OPCML: variants seen among roughly 807,000 people sequenced by gnomAD.
OPCML encodes the protein opioid-binding protein/cell adhesion molecule.
OPCML carries 13 observed loss-of-function variants against 37.8 expected under a neutral mutation model. That is an observed-to-expected ratio of 0.34 (90% CI 0.22 to 0.55). The LOEUF is 0.55. Ranked by LOEUF, OPCML falls within the 20% of genes least tolerant of loss-of-function variation. The pLI is 0.91. For synonymous variants in OPCML, 176 were observed against 168.8 expected, an observed-to-expected ratio of 1.04 and a Z score of -0.33; for missense variants, 341 against 435.6, an observed-to-expected ratio of 0.78 and a Z score of 1.93.
intron 1 of OPCML, chr11:133,007,798 A>G (rs954936574): frequency 2.0e-6 from 2 of 985,358 alleles, no homozygotes; most frequent in African/African-American, 1.7e-5. Context: ...CATGTATCAT[A>G]TCTCCTTGTG....
intron 1 of OPCML, among the ~76,000 whole-genome samples, chr11:133,379,988 T>C (rs1415915890): frequency 2.0e-5 from 3 of 152,190 alleles, no homozygotes; most frequent in Non-Finnish European, 4.4e-5. Flanking sequence ...TTAAGGACAA[T>C]TTTGTCTATG....
In OPCML at chr11:133,503,144, AAAGT is replaced by A. The variant is rs150666631; in HGVS notation, c.61+29116_61+29119del. 7.5e-3 allele frequency among the ~76,000 whole-genome samples: 1,136 copies of A among 152,280 alleles called. 6 individuals are homozygous for A. Among genetic ancestry groups the A allele is most frequent in the African/African-American group, 0.025 (1,055 of 41,554 alleles). On this transcript the variant is annotated intron_variant, in intron 1 of 7. Transcript: ENST00000524381. Reference sequence around the variant, plus strand: ...TTTCTCACGTCCTTTTTGCATAAAGAAAGTGAGTTTCAGAAAAATGTGCTGGCCT... The same window carrying A: ...TTTCTCACGTCCTTTTTGCATAAAGAGAGTTTCAGAAAAATGTGCTGGCCT...
At chr11:133,163,314 C>T (rs374786931) in intron 1 of OPCML, among the ~76,000 whole-genome samples, 31 of 152,218 alleles carry the variant, frequency 2.0e-4, no homozygotes, top group African/African-American at 6.5e-4. Flanking sequence ...TTTGCTGTGA[C>T]GACCTTAGGA....
At chr11:132,674,897 T>C (rs550629768) in intron 2 of OPCML, among the ~76,000 whole-genome samples, 241 of 152,192 alleles carry the variant, frequency 1.6e-3, no homozygotes, top group Non-Finnish European at 2.4e-3. Context: ...CAGTCCTTCA[T>C]GAAGATGAAG....
intron 1 of OPCML, among the ~76,000 whole-genome samples, chr11:133,048,072 A>T (rs898238847): frequency 6.6e-6 from 1 of 152,090 alleles, no homozygotes; most frequent in African/African-American, 2.4e-5. Context: ...GGCTTGAGGA[A>T]TCGGGTAAGA....
intron 2 of OPCML, among the ~76,000 whole-genome samples, chr11:132,730,820 T>A (rs1418775966): frequency 6.6e-6 from 1 of 151,090 alleles, no homozygotes; most frequent in Non-Finnish European, 1.5e-5. Flanking sequence ...ATCCAAAAGC[T>A]GGCTTATAAC....
chr11:133,030,946 T>C (rs979380665), intron 1 of OPCML, among the ~76,000 whole-genome samples: 2 of 152,160 alleles, frequency 1.3e-5, no homozygotes, highest in Non-Finnish European at 2.9e-5. Context: ...CTAAAGCTTA[T>C]ACTAGGGAAA....
intron 1 of OPCML, among the ~76,000 whole-genome samples, chr11:133,265,216 G>A (rs1365249115): frequency 6.6e-6 from 1 of 152,200 alleles, no homozygotes; most frequent in Non-Finnish European, 1.5e-5. Flanking sequence ...CTCATACTTG[G>A]ACTAACTTGG....
intron 2 of OPCML, among the ~76,000 whole-genome samples, chr11:132,835,898 A>T (rs1341050178): frequency 6.6e-6 from 1 of 152,162 alleles, no homozygotes; most frequent in Non-Finnish European, 1.5e-5. Flanking sequence ...TCCTATCAAT[A>T]ATCAGGTGGG....
intron 1 of OPCML, among the ~76,000 whole-genome samples, chr11:133,242,195 A>T (rs1336295721): frequency 6.6e-6 from 1 of 152,158 alleles, no homozygotes; most frequent in East Asian, 1.9e-4. Flanking sequence ...CATTTTGTAC[A>T]TGAGTCACCT....
At chr11:133,193,685 T>A (rs1339999430) in intron 1 of OPCML, among the ~76,000 whole-genome samples, 2 of 152,260 alleles carry the variant, frequency 1.3e-5, no homozygotes, top group East Asian at 3.9e-4. Flanking sequence ...CAGCACTCAA[T>A]AAATAATAAA....
chr11:133,437,145 T>C (rs371444474), intron 1 of OPCML, among the ~76,000 whole-genome samples: 8 of 152,244 alleles, frequency 5.3e-5, no homozygotes, highest in African/African-American at 1.9e-4. Context: ...AACATTTATT[T>C]GTTGTTAACT....
intron 1 of OPCML, chr11:133,066,279 C>T (rs1252040521): frequency 6.6e-6 from 1 of 152,242 alleles, no homozygotes; most frequent in African/African-American, 2.4e-5. Context: ...AGCCACTTCC[C>T]CAATTGCAGA....
At chr11:133,059,390 T>C (rs1009930131) in intron 1 of OPCML, among the ~76,000 whole-genome samples, 1 of 152,174 alleles carries the variant, frequency 6.6e-6, no homozygotes, top group African/African-American at 2.4e-5. Context: ...TAGGACATTA[T>C]TTGCCTTCTT....
chr11:132,603,154 T>C (rs970954265), intron 3 of OPCML, among the ~76,000 whole-genome samples: 4 of 152,196 alleles, frequency 2.6e-5, no homozygotes, highest in African/African-American at 9.6e-5. Flanking sequence ...AACCCTCTTC[T>C]TCCTAAATCT....
chr11:132,913,885 G>A (rs1444493857), intron 2 of OPCML, among the ~76,000 whole-genome samples: 2 of 152,180 alleles, frequency 1.3e-5, no homozygotes, highest in African/African-American at 4.8e-5. Context: ...TAGCACTCTC[G>A]ACGGACTCCT....
intron 1 of OPCML, among the ~76,000 whole-genome samples, chr11:133,250,802 A>C (rs1941107114): frequency 6.6e-6 from 1 of 152,176 alleles, no homozygotes; most frequent in South Asian, 2.1e-4. Flanking sequence ...GAGCAAAGAA[A>C]GAACTGTAGT....
chr11:132,982,981 A>G (rs1946618815), intron 1 of OPCML, among the ~76,000 whole-genome samples: 1 of 152,132 alleles, frequency 6.6e-6, no homozygotes, highest in African/African-American at 2.4e-5. Flanking sequence ...TTATTTGCAT[A>G]ACAATTACAT....
rs1946066741 is a variant in OPCML at position 132,756,853 on chromosome 11, CAT to C, written c.147-99536_147-99535del. On this transcript the variant is annotated intron_variant, in intron 2 of 7. Coordinates refer to ENST00000524381, the MANE Select transcript of OPCML (RefSeq NM_001012393.5). ...CGTGCAGGTTTGTTACATAGGCAAA[CAT>C]GTGCCATGGTGGTTTGCTGCACCCA... 1.3e-5 allele frequency among the ~76,000 whole-genome samples: 2 copies of C among 152,100 alleles called. 1 individual carries two copies. The highest frequency in any genetic ancestry group is 4.8e-5 in the African/African-American group (2 of 41,420).
Sources: allele counts gnomAD v4.1 joint callset (sites outside exome capture counted in the v4.1 genomes callset), GRCh38; gene constraint gnomAD v4.1.1; transcripts MANE v1.5; gene names NCBI Gene and HGNC (gene_info 2026-07-23, HGNC 2026-07-21).